The following MFHAS1 variants were observed in gnomAD, a reference collection of about 807,000 sequenced individuals.
MFHAS1 encodes the protein multifunctional ROCO family signaling regulator 1, also known as malignant fibrous histiocytoma-amplified sequence 1.
In MFHAS1, 50 loss-of-function variants were observed where a neutral mutation model predicts 70.4. That is an observed-to-expected ratio of 0.71 (90% CI 0.57 to 0.90). The LOEUF (loss-of-function observed/expected upper bound fraction) is 0.90. Ranked by LOEUF, MFHAS1 falls within the 40% of genes least tolerant of loss-of-function variation. MFHAS1 has a pLI of 0.00. For synonymous variants in MFHAS1, 952 were observed against 620.0 expected (o/e 1.54, Z -7.96); for missense variants, 1,795 against 1,347.6 (o/e 1.33, Z -5.20).
At chr8:8,882,941 T>C (rs1024718991) in intron 1 of MFHAS1, among the ~76,000 whole-genome samples, 1 of 152,004 alleles carries the variant, frequency 6.6e-6, no homozygotes, top group Non-Finnish European at 1.5e-5. Flanking sequence ...TCATCTGAGG[T>C]CAGGAGTTTG....
chr8:8,796,177 G>T (rs968140209), intron 2 of MFHAS1, among the ~76,000 whole-genome samples: 2 of 152,192 alleles, frequency 1.3e-5, no homozygotes, highest in African/African-American at 4.8e-5. Flanking sequence ...TGTTCTATCT[G>T]AAAGTTACTT....
intron 1 of MFHAS1, among the ~76,000 whole-genome samples, chr8:8,843,122 A>C (rs962752877): frequency 6.7e-6 from 1 of 149,304 alleles, no homozygotes; most frequent in African/African-American, 2.5e-5. Context: ...AAAAAAAATT[A>C]GCCGGGCGCG....
chr8:8,858,922 G>C (rs556705141), intron 1 of MFHAS1, among the ~76,000 whole-genome samples: 1 of 152,232 alleles, frequency 6.6e-6, no homozygotes, highest in Non-Finnish European at 1.5e-5. Flanking sequence ...ACACAAGCCA[G>C]ATATCTGTTT....
intron 1 of MFHAS1, among the ~76,000 whole-genome samples, chr8:8,838,354 T>A (rs1289455997): frequency 2.0e-5 from 3 of 152,126 alleles, no homozygotes; most frequent in African/African-American, 7.2e-5. Context: ...CTGTCACAAT[T>A]CACCCAAATG....
chr8:8,793,963 G>C (rs1007267153), intron 2 of MFHAS1, among the ~76,000 whole-genome samples: 2 of 152,154 alleles, frequency 1.3e-5, no homozygotes, highest in African/African-American at 4.8e-5. Flanking sequence ...TGAGGCAGAT[G>C]GATCACTTGA....
At chr8:8,853,466 T>TAAAAAAA (rs58475480) in intron 1 of MFHAS1, among the ~76,000 whole-genome samples, 2 of 120,196 alleles carry the variant, frequency 1.7e-5, no homozygotes, top group African/African-American at 3.1e-5. Context: ...TGCTCATTCT[T>TAAAAAAA]AAAAAAAAAA....
At chr8:8,876,003 T>C (rs138877712) in intron 1 of MFHAS1, among the ~76,000 whole-genome samples, 74 of 152,304 alleles carry the variant, frequency 4.9e-4, no homozygotes, top group Middle Eastern at 3.4e-3. Flanking sequence ...ATCCACAAAC[T>C]TATCACTCTT....
At chr8:8,843,926 A>G (rs1236742966) in intron 1 of MFHAS1, among the ~76,000 whole-genome samples, 1 of 152,252 alleles carries the variant, frequency 6.6e-6, no homozygotes, top group Admixed American at 6.5e-5. Flanking sequence ...AGGACAAAAT[A>G]TTAAAAAATA....
chr8:8,835,432 G>A (rs1280546435), intron 1 of MFHAS1, among the ~76,000 whole-genome samples: 1 of 152,130 alleles, frequency 6.6e-6, no homozygotes, highest in Non-Finnish European at 1.5e-5. Context: ...TACCCATCAT[G>A]CAGCCGCCAT....
At chr8:8,875,305 G>T (rs1438486212) in intron 1 of MFHAS1, among the ~76,000 whole-genome samples, 1 of 152,126 alleles carries the variant, frequency 6.6e-6, no homozygotes, top group Non-Finnish European at 1.5e-5. Context: ...AGCACAAATG[G>T]TTGGATAAAC....
At chr8:8,829,085 GC>G (rs1323740578) in intron 1 of MFHAS1, among the ~76,000 whole-genome samples, 3 of 152,118 alleles carry the variant, frequency 2.0e-5, no homozygotes, top group Non-Finnish European at 4.4e-5. Context: ...CCAGCCCCCT[GC>G]CCACTTTCCC....
chr8:8,818,622 A>T (rs1806831501), intron 1 of MFHAS1, among the ~76,000 whole-genome samples: 4 of 152,210 alleles, frequency 2.6e-5, no homozygotes, highest in Admixed American at 2.0e-4. Context: ...GAATTAAACA[A>T]TACTTGCAAC....
At chr8:8,812,041 A>C (rs1806567735) in intron 1 of MFHAS1, among the ~76,000 whole-genome samples, 2 of 152,222 alleles carry the variant, frequency 1.3e-5, no homozygotes, top group South Asian at 4.1e-4. Context: ...TTGCTGTCTT[A>C]CCAGATTACT....
At chr8:8,849,949 T>G (rs1477423881) in intron 1 of MFHAS1, among the ~76,000 whole-genome samples, 2 of 152,236 alleles carry the variant, frequency 1.3e-5, no homozygotes, top group Admixed American at 6.5e-5. Context: ...GCTGCTAGAC[T>G]TTCTCAGGAT....
intron 1 of MFHAS1, among the ~76,000 whole-genome samples, chr8:8,872,791 A>AG (rs529609252): frequency 1.1e-3 from 171 of 152,258 alleles, no homozygotes; most frequent in African/African-American, 3.5e-3. Flanking sequence ...AATAAAAAAA[A>AG]AGATGGGAAC....
chr8:8,865,047 G>C (rs1246705567), intron 1 of MFHAS1, among the ~76,000 whole-genome samples: 1 of 152,032 alleles, frequency 6.6e-6, no homozygotes, highest in Non-Finnish European at 1.5e-5. Flanking sequence ...AGGGCAAGGT[G>C]GGTGGATCAC....
intron 2 of MFHAS1, among the ~76,000 whole-genome samples, chr8:8,791,764 C>A (rs1805726460): frequency 6.6e-6 from 1 of 152,140 alleles, no homozygotes; most frequent in Non-Finnish European, 1.5e-5. Context: ...GGCTCAGTAC[C>A]CCTGAAATAT....
chr8:8,854,205 T>G (rs760314832), intron 1 of MFHAS1, among the ~76,000 whole-genome samples: 1 of 152,158 alleles, frequency 6.6e-6, no homozygotes, highest in Non-Finnish European at 1.5e-5. Flanking sequence ...AAGACCAGCC[T>G]GGCCAACATG....
Position 8,831,146 on chromosome 8 carries a change from G to T in MFHAS1, c.2999-33655C>A, listed in dbSNP as rs111552459. 2.2e-3 allele frequency among the ~76,000 whole-genome samples: 339 copies of T among 151,940 alleles called. 2 individuals are homozygous for T. Among genetic ancestry groups the T allele is most frequent in the African/African-American group, 7.8e-3 (325 of 41,412 alleles). ...CACATGGCAGAGAGAGACACAGTGG[G>T]CTCTCGGGGGTCTCTTCCAATAAGG... On this transcript the variant is annotated intron_variant, in intron 1 of 2. Coordinates refer to ENST00000276282, the MANE Select transcript of MFHAS1 (RefSeq NM_004225.3).
Sources: allele counts gnomAD v4.1 joint callset (sites outside exome capture counted in the v4.1 genomes callset), GRCh38; gene constraint gnomAD v4.1.1; transcripts MANE v1.5; gene names NCBI Gene and HGNC (gene_info 2026-07-23, HGNC 2026-07-21).